CUBN: variants seen among roughly 807,000 people sequenced by gnomAD.
CUBN encodes the protein cubilin, also known as 460 kDa receptor.
A neutral mutation model predicts 405.3 loss-of-function variants in CUBN; 282 were observed. That is an observed-to-expected ratio of 0.70 (90% CI 0.63 to 0.77). CUBN has a LOEUF of 0.77. CUBN is among the 30% of genes least tolerant of loss of function. The pLI, the probability that CUBN is intolerant of heterozygous loss-of-function variation, is 0.00. For missense variants in CUBN, 4,514 were observed against 4,475.2 expected, an observed-to-expected ratio of 1.01 and a Z score of -0.25; for synonymous variants, 1,684 against 1,617.0, an observed-to-expected ratio of 1.04 and a Z score of -0.99.
intron 28 of CUBN, among the ~76,000 whole-genome samples, chr10:17,006,639 GTT>G: frequency 6.6e-6 from 1 of 152,278 alleles, no homozygotes; most frequent in Middle Eastern, 3.4e-3. Context: ...CCTCATGGCG[GTT>G]TTCTGCCAGT....
intron 64 of CUBN, among the ~76,000 whole-genome samples, chr10:16,831,782 G>A (rs184883288): frequency 6.6e-5 from 10 of 152,202 alleles, no homozygotes; most frequent in Non-Finnish European, 2.9e-5. Context: ...GGAGATGGGC[G>A]GGGGCAATGT....
At chr10:16,854,341 G>A (rs1839808691) in intron 59 of CUBN, among the ~76,000 whole-genome samples, 1 of 152,180 alleles carries the variant, frequency 6.6e-6, no homozygotes, top group South Asian at 2.1e-4. Context: ...TCTACAGAGG[G>A]CCTTCAATGC....
intron 17 of CUBN, among the ~76,000 whole-genome samples, chr10:17,074,885 T>A (rs1425730100): frequency 1.3e-5 from 2 of 152,100 alleles, no homozygotes; most frequent in Non-Finnish European, 2.9e-5. Context: ...CATTTCTGAA[T>A]AATCAAGGAG....
Position 16,913,830 on chromosome 10 carries a change from C to T in CUBN, c.7514G>A (p.Cys2505Tyr). 1 of 1,613,746 alleles carries T rather than the reference C, an allele frequency of 6.2e-7. No individual in the cohort carries two copies. Among genetic ancestry groups the T allele is most frequent in the Non-Finnish European group, 8.5e-7 (1 of 1,180,014 alleles). The change falls in exon 48 of 67, where the codon TGC becomes TAC. Residue 2505 changes from cysteine (C) to tyrosine (Y), a missense_variant. By Grantham distance (194) the Cys-to-Tyr change is radical. Around this residue, in one of 5 missense-constraint regions of CUBN, gnomAD observed 1,613 missense variants for 1,542.8 expected, o/e 1.05. Coordinates refer to ENST00000377833, the MANE Select transcript of CUBN (RefSeq NM_001081.4). ...ACTTACTATCACATGCTCATTGTTG[C>T]AGGACGGATGCGTGGCCAGCCTCAG... The part of the protein sequence containing the change: ...NNLRLATHPS[C>Y]NNEHVIVFNG...
At chr10:16,946,077 A>T (rs111633002) in intron 36 of CUBN, among the ~76,000 whole-genome samples, 1 of 152,218 alleles carries the variant, frequency 6.6e-6, no homozygotes, top group African/African-American at 2.4e-5. Flanking sequence ...TCTCTCAACC[A>T]TAAGTTACTT....
intron 22 of CUBN, among the ~76,000 whole-genome samples, chr10:17,050,211 C>A (rs1391146859): frequency 1.3e-5 from 2 of 152,014 alleles, no homozygotes; most frequent in African/African-American, 4.8e-5. Context: ...TTTTTTAATT[C>A]CAGCTATGAC....
At chr10:17,119,811 T>G (rs538215111) in intron 6 of CUBN, among the ~76,000 whole-genome samples, 27 of 152,258 alleles carry the variant, frequency 1.8e-4, no homozygotes, top group African/African-American at 6.5e-4. Flanking sequence ...AAAGAATCAG[T>G]GGAAACAGAA....
At chr10:16,975,090 G>A (rs1833052038) in intron 31 of CUBN, among the ~76,000 whole-genome samples, 1 of 152,202 alleles carries the variant, frequency 6.6e-6, no homozygotes, top group Non-Finnish European at 1.5e-5. Flanking sequence ...GGGGGCCAAT[G>A]ACCCTAATCC....
At chr10:17,128,850 T>C (rs1307128771) in intron 2 of CUBN, among the ~76,000 whole-genome samples, 1 of 152,202 alleles carries the variant, frequency 6.6e-6, no homozygotes, top group East Asian at 1.9e-4. Context: ...GTAGGGTGAC[T>C]ATAGTTAACA....
intron 36 of CUBN, among the ~76,000 whole-genome samples, chr10:16,942,525 A>AAG (rs1842678138): frequency 6.6e-6 from 1 of 152,180 alleles, no homozygotes; most frequent in African/African-American, 2.4e-5. Context: ...CAAAACCACA[A>AAG]AGAGATAACA....
chr10:16,926,270 G>A (rs755163822), intron 41 of CUBN, among the ~76,000 whole-genome samples: 1 of 152,176 alleles, frequency 6.6e-6, no homozygotes, highest in African/African-American at 2.4e-5. Context: ...GGCTTGATGT[G>A]TTAGAGGTAC....
Position 16,882,873 on chromosome 10 carries a change from G to A in CUBN, c.8905+5544C>T, listed in dbSNP as rs571020649. Among the ~76,000 whole-genome samples the A allele has an allele frequency of 3.3e-5, 5 of 152,172 alleles. No individual in the cohort carries two copies. In the East Asian group the frequency reaches 5.8e-4, roughly 18 times the overall value. ...TACTAAAAATACAATTATTAGCTGG[G>A]CATGGTGTCTGGTGCCTGTAATCCC... On this transcript the variant is annotated intron_variant, in intron 56 of 66. Coordinates refer to ENST00000377833, the MANE Select transcript of CUBN (RefSeq NM_001081.4).
intron 22 of CUBN, among the ~76,000 whole-genome samples, chr10:17,050,871 C>T (rs995198242): frequency 1.3e-5 from 2 of 152,090 alleles, no homozygotes; most frequent in African/African-American, 4.8e-5. Flanking sequence ...CACAAATATT[C>T]TTTAGCAAGT....
rs188617439 is a variant in CUBN at position 17,089,803 on chromosome 10, T to G, written c.1766-1458A>C. Reference sequence around the variant, plus strand: ...AATACGACAAGTGAATAAGGTATTTTGTTGCAGTAACATTTGGAATTCCAA... The same window carrying G: ...AATACGACAAGTGAATAAGGTATTTGGTTGCAGTAACATTTGGAATTCCAA... On this transcript the variant is annotated intron_variant, in intron 14 of 66. Coordinates refer to ENST00000377833, the MANE Select transcript of CUBN (RefSeq NM_001081.4). 7.9e-5 allele frequency among the ~76,000 whole-genome samples: 12 copies of G among 152,342 alleles called. No individual in the cohort carries two copies. In the East Asian group the frequency reaches 2.1e-3, roughly 27 times the overall value.
Position 17,104,531 on chromosome 10 carries a change from C to T in CUBN, c.1305G>A (p.Glu435=). 1 of 1,613,834 alleles carries T rather than the reference C, an allele frequency of 6.2e-7. No homozygotes were observed. ...TGVNCTENIN[E]CLSNPCLNGG... is the part of the protein sequence containing the mutation. ...CATTCAAACAGGGGTTGCTCAAACA[C>T]TCATTGATGTTTTCTGTACAGTTGA... is the stretch of plus-strand genomic sequence containing the variant. Residue 435 remains glutamate (E), a synonymous_variant, in exon 12 of 67, where the codon GAG becomes GAA. Transcript: ENST00000377833.
intron 7 of CUBN, among the ~76,000 whole-genome samples, chr10:17,114,992 G>A (rs569269538): frequency 3.9e-5 from 6 of 152,232 alleles, no homozygotes; most frequent in Non-Finnish European, 8.8e-5. Context: ...GCCTGTAATC[G>A]CAGCGCTTTG....
intron 43 of CUBN, among the ~76,000 whole-genome samples, chr10:16,923,606 C>T (rs1842098500): frequency 6.6e-6 from 1 of 152,136 alleles, no homozygotes; most frequent in South Asian, 2.1e-4. Flanking sequence ...ATGTTAACAG[C>T]AGTCATAATA....
chr10:17,115,654 C>A lies in CUBN; in HGVS notation c.594-57G>T, dbSNP rs1162689223. 2.3e-5 allele frequency: 37 copies of A among 1,580,924 alleles called. No homozygotes were observed. In the Admixed American group the frequency reaches 6.2e-4, roughly 26 times the overall value. ...CACGCGCTTTGGGGCCAGTGCCTGT[C>A]TCTTAATATCAATGAGAAAAATAAT... On this transcript the variant is annotated intron_variant, in intron 6 of 66. Coordinates refer to ENST00000377833, the MANE Select transcript of CUBN (RefSeq NM_001081.4).
intron 31 of CUBN, among the ~76,000 whole-genome samples, chr10:16,975,422 C>T (rs1179625222): frequency 6.6e-6 from 1 of 152,174 alleles, no homozygotes. Flanking sequence ...GAGGGAAAAT[C>T]CTAGCCATGC....
Sources: gnomAD v4.1 joint callset for allele counts (sites outside exome capture counted in the v4.1 genomes callset) on GRCh38, gnomAD v4.1.1 for gene constraint, gnomAD v4.1.1 regional missense constraint, MANE v1.5 for transcripts, NCBI Gene and HGNC (gene_info 2026-07-23, HGNC 2026-07-21) for gene names.